Variants in MAB21L4 observed in about 807,000 individuals in gnomAD.
The protein encoded by MAB21L4 is mab-21 like 4.
A neutral mutation model predicts 32.4 loss-of-function variants in MAB21L4; 25 were observed. The observed-to-expected ratio is 0.77, with a 90% confidence interval of 0.56 to 1.08. The LOEUF (loss-of-function observed/expected upper bound fraction) is 1.08, where lower values mean the gene tolerates loss of function less well. Among genes scored for constraint, MAB21L4 ranks in the 50% least tolerant of loss-of-function variants. The pLI is 0.00. For missense variants in MAB21L4, 638 were observed against 611.0 expected, an observed-to-expected ratio of 1.04 and a Z score of -0.47; for synonymous variants, 280 against 276.8, an observed-to-expected ratio of 1.01 and a Z score of -0.11.
rs1452710288 is a variant in MAB21L4 at position 240,896,019 on chromosome 2, G to C, written c.-22C>G. On this transcript the variant is annotated 5_prime_UTR_variant, in exon 1 of 5. Coordinates refer to ENST00000388934, the MANE Select transcript of MAB21L4 (RefSeq NM_001085437.3). ...GCATCCCTTCAACAGTGGCAGGTGA[G>C]GGCCAGTGGCCCCTGAGGAGGACTC... 10 of 1,427,690 alleles carry C rather than the reference G, an allele frequency of 7.0e-6. No individual in the cohort carries two copies. Among genetic ancestry groups the C allele is most frequent in the Non-Finnish European group, 9.1e-6 (10 of 1,095,454 alleles). The allele number at this position is 1,427,690 out of a possible 1,614,324, so 88.4% of individuals were successfully genotyped here.
In MAB21L4 at chr2:240,895,904, G is replaced by A. The variant is rs781127798; in HGVS notation, c.94C>T (p.Arg32Cys). ...LQAIRSREAPRAQDFQRAENV... is the reference protein window; with the variant it reads ...LQAIRSREAPCAQDFQRAENV... ...TCTGCGCGCTGGAAGTCCTGGGCAC[G>A]CGGCGCCTCCCGGGACCGGATGGCC... Residue 32 changes from arginine (R) to cysteine (C), a missense_variant, in exon 1 of 5, where the codon CGT (arginine) becomes TGT (cysteine). Coordinates refer to ENST00000388934, the MANE Select transcript of MAB21L4 (RefSeq NM_001085437.3). 5.0e-5 allele frequency: 77 copies of A among 1,525,418 alleles called. No homozygotes were observed. Among genetic ancestry groups the A allele is most frequent in the Middle Eastern group, 2.0e-4 (1 of 4,988 alleles). 94.5% of individuals were successfully genotyped at this position (1,525,418 alleles called of 1,614,324 possible).
chr2:240,891,671 G>A lies in MAB21L4; in HGVS notation c.607C>T (p.Pro203Ser). The A allele has an allele frequency of 6.2e-7, 1 of 1,609,260 alleles. No individual in the cohort carries two copies. The highest frequency in any genetic ancestry group is 1.1e-5 in the South Asian group (1 of 91,084). Reference sequence around the variant, plus strand: ...GCCCCAAGCTTCCTTCTCACCACGGGCACCACGTGGAAGCTGATTGTTCTC... The same window carrying A: ...GCCCCAAGCTTCCTTCTCACCACGGACACCACGTGGAAGCTGATTGTTCTC... ...GWRTISFHVV[P>S]VVRRKLGAPA... The change falls in exon 2 of 5, where the codon CCC (proline) becomes TCC (serine). Residue 203 changes from proline (P) to serine (S), a missense_variant. Transcript: ENST00000388934.
chr2:240,890,132 C>G lies in MAB21L4; in HGVS notation c.767G>C (p.Arg256Thr). ...WRTSTDYLLT[R>T]LLGELGSLQG... ...CAGGGAGCCCAGCTCCCCCAGCAGC[C>G]TCGTGAGCAGGTAGTCAGTGGAGGT... The change falls in exon 3 of 5, where the codon AGG becomes ACG. Residue 256 changes from arginine to threonine, a missense_variant. Physicochemically the swap from Arg to Thr is moderately conservative, Grantham distance 71. Transcript: ENST00000388934. 1 of 1,610,328 alleles carries G rather than the reference C, an allele frequency of 6.2e-7. No individual in the cohort carries two copies. Among genetic ancestry groups the G allele is most frequent in the Non-Finnish European group, 8.5e-7 (1 of 1,177,780 alleles).
chr2:240,896,140 CA>C lies in MAB21L4; in HGVS notation c.-144del. Reference sequence around the variant, plus strand: ...CCTCAGCTCCCACACAGCAGAATTCCAGAGTGACAGCACAGTGTGGCAGGTG... The same window carrying C: ...CCTCAGCTCCCACACAGCAGAATTCCGAGTGACAGCACAGTGTGGCAGGTG... On this transcript the variant is annotated 5_prime_UTR_variant, in exon 1 of 5. Transcript: ENST00000388934. 7.4e-7 allele frequency: 1 copy of C among 1,353,678 alleles called. No homozygotes were observed. Among genetic ancestry groups the C allele is most frequent in the Non-Finnish European group, 9.4e-7 (1 of 1,059,998 alleles). The allele number at this position is 1,353,678 out of a possible 1,614,324, so 83.9% of individuals were successfully genotyped here.
At chr2:240,892,959 A>G (rs1300817867) in intron 1 of MAB21L4, among the ~76,000 whole-genome samples, 8 of 152,004 alleles carry the variant, frequency 5.3e-5, no homozygotes, top group Non-Finnish European at 1.0e-4. Flanking sequence ...TACCCCCCCA[A>G]AAACAAATTA....
Position 240,888,394 on chromosome 2 carries a change from G to A in MAB21L4, c.1149C>T (p.Ser383=), listed in dbSNP as rs749259156. Reference sequence around the variant, plus strand: ...GCCCGGAGCCGATGCGCGGCGGGGGGCTGCGGCCCAGGTGGGTGGCGTGGA... The same window carrying A: ...GCCCGGAGCCGATGCGCGGCGGGGGACTGCGGCCCAGGTGGGTGGCGTGGA... ...LRIHATHLGR[S]PPPRIGSGLK... is the part of the protein sequence containing the mutation. Residue 383 remains serine, a synonymous_variant, in exon 4 of 5, where the codon AGC becomes AGT. Transcript: ENST00000388934. 6.4e-7 allele frequency: 1 copy of A among 1,557,694 alleles called. No individual in the cohort carries two copies. The highest frequency in any genetic ancestry group is 8.7e-7 in the Non-Finnish European group (1 of 1,155,002).
intron 1 of MAB21L4, among the ~76,000 whole-genome samples, chr2:240,894,383 C>T (rs1402093350): frequency 6.6e-6 from 1 of 152,168 alleles, no homozygotes; most frequent in Non-Finnish European, 1.5e-5. Flanking sequence ...ATGGCTGTAC[C>T]ACTCAGGGTC....
rs1358107896 is a variant in MAB21L4 at position 240,886,805 on chromosome 2, C to T, written c.*265G>A. The T allele has an allele frequency of 4.3e-6, 2 of 464,484 alleles. No homozygotes were observed. The highest frequency in any genetic ancestry group is 3.8e-6 in the Non-Finnish European group (1 of 261,486). The allele number at this position is 464,484 out of a possible 1,614,324, so 28.8% of individuals were successfully genotyped here. ...GCCGATGCTGTTTGCTTGACAACAC[C>T]ACGTGGCTGGGTCAACATGCACCAC... is the stretch of plus-strand genomic sequence containing the variant. On this transcript the variant is annotated 3_prime_UTR_variant, in exon 5 of 5. Transcript: ENST00000388934.
At position 240,886,169 on chromosome 2, in the gene MAB21L4, T is replaced by C. The variant is rs1472321543; in HGVS notation, c.*901A>G. ...GAAGGAGAAGGAGGCATATCTTACA[T>C]GGCCGGAGAAAGAGGAAGAGAGCAA... On this transcript the variant is annotated 3_prime_UTR_variant, in exon 5 of 5. Coordinates refer to ENST00000388934, the MANE Select transcript of MAB21L4 (RefSeq NM_001085437.3). 1.3e-5 allele frequency: 2 copies of C among 152,688 alleles called. No homozygotes were observed. Among genetic ancestry groups the C allele is most frequent in the Non-Finnish European group, 2.9e-5 (2 of 68,648 alleles). The allele number at this position is 152,688 out of a possible 1,614,324, so 9.5% of individuals were successfully genotyped here.
At position 240,896,128 on chromosome 2, in the gene MAB21L4, ACAG is replaced by A; in HGVS notation, c.-134_-132del. The A allele has an allele frequency of 7.4e-7, 1 of 1,360,344 alleles. No individual in the cohort carries two copies. Among genetic ancestry groups the A allele is most frequent in the East Asian group, 2.8e-5 (1 of 36,270 alleles). 84.3% of individuals were successfully genotyped at this position (1,360,344 alleles called of 1,614,324 possible). The stretch of plus-strand genomic sequence containing the variant: ...CTGCAGGTGGGGCCTCAGCTCCCAC[ACAG>A]CAGAATTCCAGAGTGACAGCACAGT... On this transcript the variant is annotated 5_prime_UTR_variant, in exon 1 of 5. Coordinates refer to ENST00000388934, the MANE Select transcript of MAB21L4 (RefSeq NM_001085437.3).
chr2:240,895,818 G>C lies in MAB21L4; in HGVS notation c.180C>G (p.Asp60Glu). 6.3e-7 allele frequency: 1 copy of C among 1,594,420 alleles called. No homozygotes were observed. The highest frequency in any genetic ancestry group is 8.6e-7 in the Non-Finnish European group (1 of 1,167,932). Reference protein sequence around the residue: ...VHALDPRFIVDYSRGLEAFQF... With the variant: ...VHALDPRFIVEYSRGLEAFQF... ...GGAAGGCCTCCAGGCCACGGGAGTA[G>C]TCCACGATGAAGCGGGGGTCCAGGG... Residue 60 changes from aspartate to glutamate, a missense_variant, in exon 1 of 5, where the codon GAC (aspartate) becomes GAG (glutamate). Asp to Glu is a conservative substitution (Grantham distance 45). Transcript: ENST00000388934.
At chr2:240,890,879 A>C (rs6720357) in intron 2 of MAB21L4, among the ~76,000 whole-genome samples, 110,708 of 152,178 alleles carry the variant, frequency 0.73, 40,975 homozygotes, top group African/African-American at 0.85. Flanking sequence ...AAGGGGTCAG[A>C]GGCAATGCAG....
intron 2 of MAB21L4, 125 bp from the exon 3 acceptor site, chr2:240,890,283 C>G: frequency 8.2e-7 from 1 of 1,219,336 alleles, no homozygotes; most frequent in Non-Finnish European, 1.1e-6. Context: ...GCTGGTGGGA[C>G]CCAGCCGGAA....
intron 1 of MAB21L4, among the ~76,000 whole-genome samples, chr2:240,894,885 C>T (rs1486766621): frequency 6.6e-6 from 1 of 152,210 alleles, no homozygotes; most frequent in Non-Finnish European, 1.5e-5. Flanking sequence ...CCACTTGGGG[C>T]TCAAGACACC....
At position 240,896,014 on chromosome 2, in the gene MAB21L4, G is replaced by A; in HGVS notation, c.-17C>T. On this transcript the variant is annotated 5_prime_UTR_variant, in exon 1 of 5. Transcript: ENST00000388934. ...GGCAGGCATCCCTTCAACAGTGGCA[G>A]GTGAGGGCCAGTGGCCCCTGAGGAG... is the stretch of plus-strand genomic sequence containing the variant. 1 of 1,432,222 alleles carries A rather than the reference G, an allele frequency of 7.0e-7. No individual in the cohort carries two copies. Among genetic ancestry groups the A allele is most frequent in the Non-Finnish European group, 9.1e-7 (1 of 1,097,542 alleles). The allele number at this position is 1,432,222 out of a possible 1,614,324, so 88.7% of individuals were successfully genotyped here.
chr2:240,892,119 T>G, intron 1 of MAB21L4: 1 of 1,299,028 alleles, frequency 7.7e-7, no homozygotes, highest in Non-Finnish European at 1.0e-6. Flanking sequence ...TGCTGTGCCT[T>G]CCCAGGCCTT....
At chr2:240,894,017 AG>A (rs2059171397) in intron 1 of MAB21L4, among the ~76,000 whole-genome samples, 1 of 151,998 alleles carries the variant, frequency 6.6e-6, no homozygotes, top group African/African-American at 2.4e-5. Context: ...CACTTACCCC[AG>A]GGCACTAGAC....
In MAB21L4 at chr2:240,888,436, G is replaced by T; in HGVS notation, c.1107C>A (p.Pro369=). The T allele has an allele frequency of 6.4e-7, 1 of 1,565,252 alleles. No individual in the cohort carries two copies. Among genetic ancestry groups the T allele is most frequent in the Non-Finnish European group, 8.6e-7 (1 of 1,158,378 alleles). Residue 369 remains proline, a synonymous_variant, in exon 4 of 5, where the codon CCC becomes CCA. Transcript: ENST00000388934. ...YQRVEGFASQ[P]EAALRIHATH... ...TGGCGTGGATGCGCAGGGCCGCCTC[G>T]GGCTGGCTGGCGAAGCCCTCCACGC...
At chr2:240,891,867 T>TCTC (rs2106439861) in intron 1 of MAB21L4, 104 bp from the exon 2 acceptor site, 1 of 1,582,134 alleles carries the variant, frequency 6.3e-7, no homozygotes, top group South Asian at 1.1e-5. Context: ...CCTCATCACC[T>TCTC]CTCACCTGCA....
Sources: gnomAD v4.1 joint callset for allele counts (sites outside exome capture counted in the v4.1 genomes callset) on GRCh38, gnomAD v4.1.1 for gene constraint, MANE v1.5 for transcripts, NCBI Gene and HGNC (gene_info 2026-07-23, HGNC 2026-07-21) for gene names.